The following MYLIP variants were observed in gnomAD, a reference collection of about 807,000 sequenced individuals.
The protein encoded by MYLIP is myosin regulatory light chain interacting protein.
Under a neutral mutation model 45.8 loss-of-function variants are expected in MYLIP, and 26 were observed. That is an observed-to-expected ratio of 0.57 (90% confidence interval 0.42 to 0.79). The LOEUF (loss-of-function observed/expected upper bound fraction) is 0.79, where lower values mean the gene tolerates loss of function less well. MYLIP is among the 30% of genes least tolerant of loss of function. MYLIP has a pLI of 0.00. For synonymous variants in MYLIP, 213 were observed against 218.1 expected, an observed-to-expected ratio of 0.98 and a Z score of 0.21; for missense variants, 494 against 555.6, an observed-to-expected ratio of 0.89 and a Z score of 1.11.
downstream of MYLIP, among the ~76,000 whole-genome samples, chr6:16,152,382 G>T (rs1363507678): frequency 6.6e-6 from 1 of 152,092 alleles, no homozygotes; most frequent in Non-Finnish European, 1.5e-5. Flanking sequence ...CTGGTTCAGG[G>T]GCAATATTGG....
chr6:16,135,507 A>G (rs1004187812), intron 2 of MYLIP, among the ~76,000 whole-genome samples: 3 of 152,060 alleles, frequency 2.0e-5, no homozygotes, highest in African/African-American at 4.8e-5. Context: ...TTAAGCCTAC[A>G]TAGAGACCTA....
At chr6:16,155,594 C>G in the MYLIP span, among the ~76,000 whole-genome samples, 3 of 152,206 alleles carry the variant, frequency 2.0e-5, no homozygotes, top group African/African-American at 7.2e-5. Flanking sequence ...CAAGTGGGAA[C>G]TGGAGTGCAG....
At chr6:16,162,042 G>C in the MYLIP span, among the ~76,000 whole-genome samples, 1 of 152,220 alleles carries the variant, frequency 6.6e-6, no homozygotes, top group Non-Finnish European at 1.5e-5. Context: ...CATAATATTT[G>C]TGAGAATTTG....
the MYLIP span, chr6:16,163,763 C>T: frequency 6.6e-6 from 1 of 152,272 alleles, no homozygotes; most frequent in East Asian, 1.9e-4. Context: ...CAACATTGTC[C>T]ATTGAAAGTT....
chr6:16,135,271 G>T (rs1759526856), intron 2 of MYLIP, among the ~76,000 whole-genome samples: 1 of 152,170 alleles, frequency 6.6e-6, no homozygotes, highest in Non-Finnish European at 1.5e-5. Flanking sequence ...TGCCTAGATT[G>T]GTGTTTGCCT....
chr6:16,130,665 A>T lies in MYLIP; in HGVS notation c.196A>T (p.Met66Leu), dbSNP rs1376521044. The T allele has an allele frequency of 2.5e-6, 4 of 1,614,102 alleles. No homozygotes were observed. The East Asian group carries it at 6.7e-5, about 27-fold the overall frequency. Residue 66 changes from methionine (M) to leucine (L), a missense_variant, in exon 2 of 7, where the codon ATG (methionine) becomes TTG (leucine). Transcript: ENST00000356840. ...LNLRNRISQQ[M>L]DGLAPYRLKL... ...CCTGAGAAACCGGATCTCCCAGCAG[A>T]TGGATGGGCTAGCCCCTTACAGGCT... is the stretch of plus-strand genomic sequence containing the variant.
chr6:16,149,617 G>A (rs1759854144), downstream of MYLIP, among the ~76,000 whole-genome samples: 1 of 152,220 alleles, frequency 6.6e-6, no homozygotes, highest in Non-Finnish European at 1.5e-5. Flanking sequence ...TTGAATTCCA[G>A]GTTTAACATG....
rs1012875201 is a variant in MYLIP at position 16,129,759 on chromosome 6, C to G, written c.87+350C>G. ...CAGGTATGTGCGTGATGCCGCCTGT[C>G]GGGTCCCCGCGGCGCCTGGCAGTGC... On this transcript the variant is annotated intron_variant, in intron 1 of 6. Coordinates refer to ENST00000356840, the MANE Select transcript of MYLIP (RefSeq NM_013262.4). This position sits in a 1 kb window ranked among gnomAD's most constrained non-coding sequence, Gnocchi z 5.1. Among the ~76,000 whole-genome samples the G allele has an allele frequency of 1.8e-4, 27 of 152,228 alleles. No individual in the cohort carries two copies. Among genetic ancestry groups the G allele is most frequent in the Non-Finnish European group, 2.2e-4 (15 of 68,028 alleles).
In MYLIP at chr6:16,146,939, A is replaced by G. The variant is rs1047509756; in HGVS notation, c.*188A>G. The G allele has an allele frequency of 2.0e-6, 1 of 500,152 alleles. No individual in the cohort carries two copies. The allele number at this position is 500,152 out of a possible 1,614,324, so 31.0% of individuals were successfully genotyped here. A position where few individuals can be genotyped will look rare whatever the true frequency, so the allele number is the denominator to read the frequency against. On this transcript the variant is annotated 3_prime_UTR_variant, in exon 7 of 7. Coordinates refer to ENST00000356840, the MANE Select transcript of MYLIP (RefSeq NM_013262.4). ...AAAAACATATCCATGCGTAGAATCA[A>G]CAACTCCAGTCATGGGACCAGGAGG...
At chr6:16,141,956 A>T (rs1042617372) in intron 3 of MYLIP, 146 bp downstream of exon 3, 15 of 677,228 alleles carry the variant, frequency 2.2e-5, no homozygotes, top group Non-Finnish European at 3.5e-5. Flanking sequence ...TTAAGAAGTC[A>T]TACATAATAT....
chr6:16,158,572 T>G, the MYLIP span, among the ~76,000 whole-genome samples: 2,600 of 152,316 alleles, frequency 0.017, 64 homozygotes, highest in African/African-American at 0.059. Context: ...TTCAGCATCA[T>G]CTCCATCAGG....
chr6:16,130,466 A>C, intron 1 of MYLIP, 91 bp from the exon 2 acceptor site: 5 of 1,329,820 alleles, frequency 3.8e-6, no homozygotes, highest in Non-Finnish European at 5.2e-6. Context: ...AACTTTGTAA[A>C]AAGCACCAGC....
At chr6:16,162,513 A>T in the MYLIP span, among the ~76,000 whole-genome samples, 1 of 152,220 alleles carries the variant, frequency 6.6e-6, no homozygotes, top group Non-Finnish European at 1.5e-5. Context: ...ACATATAGTT[A>T]AAAATGTGGT....
chr6:16,130,514 A>G, intron 1 of MYLIP, 43 bp from the exon 2 acceptor site: 2 of 1,594,224 alleles, frequency 1.3e-6, no homozygotes, highest in Non-Finnish European at 1.7e-6. Flanking sequence ...TTGCTTTGAT[A>G]CGTACCATTT....
At chr6:16,155,157 G>T in the MYLIP span, among the ~76,000 whole-genome samples, 2 of 152,184 alleles carry the variant, frequency 1.3e-5, no homozygotes, top group African/African-American at 2.4e-5. Context: ...GGGAGGCAGA[G>T]AATTCATGCA....
At chr6:16,156,484 A>G in the MYLIP span, among the ~76,000 whole-genome samples, 1 of 152,170 alleles carries the variant, frequency 6.6e-6, no homozygotes, top group Non-Finnish European at 1.5e-5. Flanking sequence ...AATTTCTCTG[A>G]CCATCTCTAT....
downstream of MYLIP, among the ~76,000 whole-genome samples, chr6:16,149,497 G>C (rs1378460620): frequency 4.6e-5 from 7 of 152,368 alleles, no homozygotes; most frequent in South Asian, 1.2e-3. Flanking sequence ...GCCCATGCCA[G>C]GGCTGGAGCA....
At chr6:16,154,839 T>C in the MYLIP span, among the ~76,000 whole-genome samples, 1 of 152,186 alleles carries the variant, frequency 6.6e-6, no homozygotes, top group Non-Finnish European at 1.5e-5. Context: ...GAAGCCATTT[T>C]ACAGCAATAT....
At chr6:16,144,320 G>A (rs983120447) in intron 5 of MYLIP, among the ~76,000 whole-genome samples, 13 of 152,178 alleles carry the variant, frequency 8.5e-5, no homozygotes, top group African/African-American at 3.1e-4. Context: ...CTGCTCAGGA[G>A]AAGGATAGCA....
Sources: allele counts gnomAD v4.1 joint callset (sites outside exome capture counted in the v4.1 genomes callset), GRCh38; gene constraint gnomAD v4.1.1; non-coding constraint Gnocchi (gnomAD v3.1); transcripts MANE v1.5; gene names NCBI Gene and HGNC (gene_info 2026-07-23, HGNC 2026-07-21).